UNC5D: variants seen among roughly 807,000 people sequenced by gnomAD.
UNC5D encodes netrin receptor UNC5D.
UNC5D carries 39 observed loss-of-function variants against 105.4 expected under a neutral mutation model. The observed-to-expected ratio is 0.37, with a 90% CI of 0.29 to 0.48. The LOEUF is 0.48. Ranked by LOEUF, UNC5D falls within the 20% of genes least tolerant of loss-of-function variation. The probability of loss-of-function intolerance (pLI) is 0.98; values close to 1 mark genes in which losing one functional copy is unlikely to be tolerated. For missense variants in UNC5D, 991 were observed against 1,202.4 expected (o/e 0.82, Z 2.60); for synonymous variants, 452 against 450.4 (o/e 1.00, Z -0.04).
chr8:35,554,324 A>G (rs1326530268), intron 2 of UNC5D, among the ~76,000 whole-genome samples: 1 of 152,210 alleles, frequency 6.6e-6, no homozygotes, highest in Non-Finnish European at 1.5e-5. Flanking sequence ...ATTTGACATG[A>G]GTTACTGTGT....
intron 1 of UNC5D, among the ~76,000 whole-genome samples, chr8:35,243,200 C>A (rs1324355308): frequency 6.6e-6 from 1 of 151,996 alleles, no homozygotes; most frequent in Non-Finnish European, 1.5e-5. Context: ...TTTTCTTTTG[C>A]AAGCCAGTAT....
In UNC5D at chr8:35,696,156, C is replaced by G. The variant is rs542174329; in HGVS notation, c.1084+9447C>G. Among the ~76,000 whole-genome samples, 3 of 152,196 alleles carry G rather than the reference C, an allele frequency of 2.0e-5. No individual in the cohort carries two copies. The South Asian group carries it at 6.2e-4, about 32-fold the overall frequency. ...TAGACTGTATAGCAATTTATAGATT[C>G]CGGGATTACTGTTCTGTTGTGAACC... On this transcript the variant is annotated intron_variant, in intron 7 of 16. Transcript: ENST00000404895.
intron 1 of UNC5D, among the ~76,000 whole-genome samples, chr8:35,322,788 C>T (rs914873440): frequency 1.3e-5 from 2 of 152,120 alleles, no homozygotes; most frequent in South Asian, 2.1e-4. Flanking sequence ...TCAGTACGTA[C>T]GATTTCTTAA....
At chr8:35,352,655 C>T (rs1812319102) in intron 1 of UNC5D, among the ~76,000 whole-genome samples, 2 of 152,088 alleles carry the variant, frequency 1.3e-5, no homozygotes, top group African/African-American at 4.8e-5. Flanking sequence ...CTCTGTCACC[C>T]AGGCTGGAGT....
chr8:35,544,283 G>T, intron 1 of UNC5D: 1 of 1,240,826 alleles, frequency 8.1e-7, no homozygotes, highest in South Asian at 1.6e-5. Context: ...ATGGCATTAG[G>T]ATTTAATTAA....
intron 4 of UNC5D, among the ~76,000 whole-genome samples, chr8:35,620,681 G>A (rs1821311073): frequency 6.6e-6 from 1 of 150,896 alleles, no homozygotes; most frequent in African/African-American, 2.5e-5. Context: ...TCTTTCATAT[G>A]CCTGCTTTAA....
intron 1 of UNC5D, among the ~76,000 whole-genome samples, chr8:35,462,833 T>A (rs926657477): frequency 3.3e-5 from 5 of 152,174 alleles, no homozygotes; most frequent in African/African-American, 1.2e-4. Context: ...CCAGAATTTA[T>A]AAGGGGGGTT....
At chr8:35,299,568 G>A (rs923133903) in intron 1 of UNC5D, among the ~76,000 whole-genome samples, 6 of 152,108 alleles carry the variant, frequency 3.9e-5, no homozygotes, top group African/African-American at 1.2e-4. Flanking sequence ...GTCATTCTCT[G>A]CTAGTGGAGA....
At chr8:35,605,974 CT>C (rs542599464) in intron 4 of UNC5D, among the ~76,000 whole-genome samples, 37 of 150,554 alleles carry the variant, frequency 2.5e-4, no homozygotes, top group Non-Finnish European at 4.4e-4. Flanking sequence ...CCTCAGTTTC[CT>C]TTTTTTTTAT....
chr8:35,485,798 C>T (rs1333055211), intron 1 of UNC5D, among the ~76,000 whole-genome samples: 1 of 152,136 alleles, frequency 6.6e-6, no homozygotes, highest in African/African-American at 2.4e-5. Flanking sequence ...AACCTAAGAT[C>T]TGTCATAAGA....
chr8:35,370,569 T>C (rs1187929123), intron 1 of UNC5D, among the ~76,000 whole-genome samples: 2 of 152,214 alleles, frequency 1.3e-5, no homozygotes, highest in Non-Finnish European at 1.5e-5. Flanking sequence ...TGTTTGAATG[T>C]TGTATATATT....
At chr8:35,640,820 CAAAGA>C (rs898989990) in intron 4 of UNC5D, among the ~76,000 whole-genome samples, 7 of 152,096 alleles carry the variant, frequency 4.6e-5, no homozygotes, top group African/African-American at 1.7e-4. Context: ...TCCAGCTATA[CAAAGA>C]AAAGAATGTT....
chr8:35,697,445 G>A (rs1371677652), intron 7 of UNC5D, among the ~76,000 whole-genome samples: 10 of 151,532 alleles, frequency 6.6e-5, no homozygotes, highest in Non-Finnish European at 1.3e-4. Flanking sequence ...AGGTGACTTG[G>A]GCATCTTTTA....
At position 35,759,562 on chromosome 8, in the gene UNC5D, T is replaced by G. The variant is rs1374545165; in HGVS notation, c.2313+93T>G. ...GCAAGGGTCTGCTTGATTTTCCTCC[T>G]CCTTTAAAGGATGGATTTCACCTCA... On this transcript the variant is annotated intron_variant, in intron 14 of 16. Transcript: ENST00000404895. The G allele has an allele frequency of 4.2e-6, 6 of 1,428,090 alleles. No homozygotes were observed. In the African/African-American group the frequency reaches 5.7e-5, roughly 14 times the overall value. 88.5% of individuals were successfully genotyped at this position (1,428,090 alleles called of 1,614,324 possible).
intron 15 of UNC5D, among the ~76,000 whole-genome samples, chr8:35,771,867 A>G (rs1195911376): frequency 6.6e-6 from 1 of 152,164 alleles, no homozygotes; most frequent in Non-Finnish European, 1.5e-5. Flanking sequence ...CTCTGTCACA[A>G]ACTACCTGGG....
intron 1 of UNC5D, among the ~76,000 whole-genome samples, chr8:35,343,744 T>C (rs1193952361): frequency 1.3e-5 from 2 of 152,134 alleles, no homozygotes; most frequent in African/African-American, 4.8e-5. Flanking sequence ...GGGCTTGTGG[T>C]ATCCTCTCTT....
At chr8:35,412,253 A>G (rs1805223223) in intron 1 of UNC5D, among the ~76,000 whole-genome samples, 1 of 152,046 alleles carries the variant, frequency 6.6e-6, no homozygotes, top group African/African-American at 2.4e-5. Context: ...AGTTAGGATT[A>G]TACTTAAATT....
chr8:35,607,819 A>C (rs1016327170), intron 4 of UNC5D, among the ~76,000 whole-genome samples: 1 of 151,906 alleles, frequency 6.6e-6, no homozygotes, highest in Admixed American at 6.6e-5. Context: ...AGTCAAATAA[A>C]CTTCTTTCCT....
chr8:35,530,388 G>A (rs1814258567), intron 1 of UNC5D, among the ~76,000 whole-genome samples: 2 of 77,964 alleles, frequency 2.6e-5, no homozygotes, highest in Non-Finnish European at 4.9e-5. Context: ...GCATCCCAGG[G>A]ATGAAGCCCA....
Sources: allele counts gnomAD v4.1 joint callset (sites outside exome capture counted in the v4.1 genomes callset), GRCh38; gene constraint gnomAD v4.1.1; transcripts MANE v1.5; gene names NCBI Gene and HGNC (gene_info 2026-07-23, HGNC 2026-07-21).